Variants in TNS1 observed in about 807,000 individuals in gnomAD.
TNS1 encodes tensin 1.
TNS1 carries 62 observed loss-of-function variants against 168.6 expected under a neutral mutation model. The observed-to-expected ratio is 0.37, with a 90% CI of 0.30 to 0.45. TNS1 has a LOEUF of 0.45. TNS1 is among the 20% of genes least tolerant of loss of function. TNS1 has a pLI of 1.00. For missense variants in TNS1, 2,240 were observed against 2,339.4 expected, an observed-to-expected ratio of 0.96 and a Z score of 0.88; for synonymous variants, 934 against 933.2, an observed-to-expected ratio of 1.00 and a Z score of -0.02.
chr2:217,979,445 G>T (rs2126051483), intron 2 of TNS1, among the ~76,000 whole-genome samples: 1 of 152,074 alleles, frequency 6.6e-6, no homozygotes, highest in South Asian at 2.1e-4. Flanking sequence ...GACACCATCA[G>T]TTGCAGCCTG....
At chr2:217,850,530 C>T in intron 18 of TNS1, 1 of 984,792 alleles carries the variant, frequency 1.0e-6, no homozygotes, top group East Asian at 1.1e-4. Context: ...CCCAGAGGAA[C>T]TCAGTGATTT....
chr2:217,828,900 A>AGG (rs1453721359), intron 22 of TNS1, among the ~76,000 whole-genome samples: 1 of 152,220 alleles, frequency 6.6e-6, no homozygotes, highest in East Asian at 1.9e-4. Context: ...GGGCTTCCAG[A>AGG]GGGCAAATCG....
intron 18 of TNS1, among the ~76,000 whole-genome samples, chr2:217,867,467 C>A (rs1190347885): frequency 6.6e-6 from 1 of 152,186 alleles, no homozygotes; most frequent in Non-Finnish European, 1.5e-5. Context: ...TTTTAAAAAC[C>A]TAGTTATTAA....
intron 4 of TNS1, among the ~76,000 whole-genome samples, chr2:217,917,453 G>A (rs752605993): frequency 7.2e-5 from 11 of 152,144 alleles, no homozygotes; most frequent in Non-Finnish European, 1.2e-4. Flanking sequence ...ATAGTGTATC[G>A]GGGCGATGCA....
At chr2:217,860,575 C>A (rs1948689778) in intron 18 of TNS1, among the ~76,000 whole-genome samples, 1 of 152,192 alleles carries the variant, frequency 6.6e-6, no homozygotes. Flanking sequence ...TTGTCCCCAC[C>A]CCAACCAACC....
intron 3 of TNS1, among the ~76,000 whole-genome samples, chr2:217,941,272 C>T (rs1455405718): frequency 6.6e-6 from 1 of 152,228 alleles, no homozygotes; most frequent in South Asian, 2.1e-4. Context: ...AGCCCCAGAG[C>T]CCCTCAACAG....
rs1940215741 is a variant in TNS1, at chr2:217,809,448, G to GATGGATGGATGC, written c.5273+363_5273+374dup. ...GGATGGATGGATGGATGGATGGATG[G>GATGGATGGATGC]ATGGATGGATGCATGGATGGATGGA... On this transcript the variant is annotated intron_variant, in intron 30 of 32. Transcript: ENST00000682258. Among the ~76,000 whole-genome samples, 2 of 115,940 alleles carry GATGGATGGATGC rather than the reference G, an allele frequency of 1.7e-5. 1 individual carries two copies. The highest frequency in any genetic ancestry group is 3.5e-5 in the Non-Finnish European group (2 of 56,998). 76.1% of individuals were successfully genotyped at this position (115,940 alleles called of 152,430 possible).
At chr2:217,907,288 GC>G in intron 4 of TNS1, 37 bp from the exon 5 acceptor site, 1 of 702,820 alleles carries the variant, frequency 1.4e-6, no homozygotes, top group East Asian at 2.7e-5. Flanking sequence ...AGCCCTTAGG[GC>G]AGACATCCCA....
At chr2:217,875,390 C>T (rs1950124541) in intron 18 of TNS1, among the ~76,000 whole-genome samples, 1 of 152,126 alleles carries the variant, frequency 6.6e-6, no homozygotes, top group African/African-American at 2.4e-5. Flanking sequence ...TGGCAGGCCC[C>T]TTTTAGGTCT....
chr2:217,866,238 G>T (rs1449734434), intron 18 of TNS1, among the ~76,000 whole-genome samples: 2 of 152,238 alleles, frequency 1.3e-5, no homozygotes, highest in Non-Finnish European at 1.5e-5. Context: ...TCTAAGGGGT[G>T]ATTTTGGACA....
chr2:217,983,562 C>T (rs980515469), intron 2 of TNS1, among the ~76,000 whole-genome samples: 20 of 152,324 alleles, frequency 1.3e-4, no homozygotes, highest in Non-Finnish European at 2.8e-4. Context: ...GCTGGGCTGC[C>T]GGTACTCTGT....
In TNS1 at chr2:217,809,995, G is replaced by C; in HGVS notation, c.5105-4C>G. The C allele has an allele frequency of 6.2e-7, 1 of 1,609,658 alleles. No individual in the cohort carries two copies. The highest frequency in any genetic ancestry group is 8.5e-7 in the Non-Finnish European group (1 of 1,176,612). The stretch of plus-strand genomic sequence containing the variant: ...TTGACGAAGAGCACATTGCAGGCTG[G>C]AAGAAACCAACCCAAGGGGGAGTCA... On this transcript the variant is annotated splice_polypyrimidine_tract_variant and splice_region_variant and intron_variant, in intron 29 of 32. Coordinates refer to ENST00000682258, the MANE Select transcript of TNS1 (RefSeq NM_001387777.1).
At chr2:217,853,836 G>T (rs1199434501) in intron 18 of TNS1, among the ~76,000 whole-genome samples, 1 of 152,210 alleles carries the variant, frequency 6.6e-6, no homozygotes, top group African/African-American at 2.4e-5. Context: ...ACTCCCCGGG[G>T]CTCCCTCCCA....
chr2:217,984,205 A>G (rs1474020111), intron 2 of TNS1, among the ~76,000 whole-genome samples: 14 of 152,054 alleles, frequency 9.2e-5, no homozygotes, highest in Non-Finnish European at 5.9e-5. Context: ...TTTTTTCTAC[A>G]CACATCCTGT....
intron 3 of TNS1, chr2:217,943,999 T>A (rs1307151952): frequency 6.5e-6 from 1 of 152,960 alleles, no homozygotes; most frequent in Non-Finnish European, 1.5e-5. Context: ...AGGCAGCGAG[T>A]GAGCCTGTGT....
chr2:218,004,479 T>C (rs1173384628), upstream of TNS1, among the ~76,000 whole-genome samples: 1 of 151,614 alleles, frequency 6.6e-6, no homozygotes, highest in East Asian at 1.9e-4. Context: ...TTGTGCCAAC[T>C]CCCAGCCCAG....
At chr2:217,920,362 G>A in intron 3 of TNS1, 126 bp from the exon 4 acceptor site, 1 of 666,044 alleles carries the variant, frequency 1.5e-6, no homozygotes, top group South Asian at 1.6e-5. Flanking sequence ...CTTCTGGGTT[G>A]AGAGTTCTTC....
At position 217,804,293 on chromosome 2, in the gene TNS1, C is replaced by A; in HGVS notation, c.*166G>T. On this transcript the variant is annotated 3_prime_UTR_variant, in exon 33 of 33. Coordinates refer to ENST00000682258, the MANE Select transcript of TNS1 (RefSeq NM_001387777.1). Reference sequence around the variant, plus strand: ...CTCTCTCTCTCTCTCTCTCTCTTTTCCCCCTCCCCTCTGCAATTCACTTCC... The same window carrying A: ...CTCTCTCTCTCTCTCTCTCTCTTTTACCCCTCCCCTCTGCAATTCACTTCC... 1.8e-6 allele frequency: 1 copy of A among 565,036 alleles called. No individual in the cohort carries two copies. Among genetic ancestry groups the A allele is most frequent in the Non-Finnish European group, 3.1e-6 (1 of 326,610 alleles). The allele number at this position is 565,036 out of a possible 1,614,324, so 35.0% of individuals were successfully genotyped here.
At chr2:217,831,597 G>A in intron 21 of TNS1, 50 bp from the exon 22 acceptor site, 1 of 1,392,326 alleles carries the variant, frequency 7.2e-7, no homozygotes, top group Non-Finnish European at 9.4e-7. Context: ...GTGGGCAGGA[G>A]GGCAGACACG....
Sources: allele counts gnomAD v4.1 joint callset (sites outside exome capture counted in the v4.1 genomes callset), GRCh38; gene constraint gnomAD v4.1.1; transcripts MANE v1.5; gene names NCBI Gene and HGNC (gene_info 2026-07-23, HGNC 2026-07-21).